AHR: variants seen among roughly 807,000 people sequenced by gnomAD.
AHR encodes aryl hydrocarbon receptor, also known as AH-receptor.
In AHR, 40 loss-of-function variants were observed where a neutral mutation model predicts 86.8. The observed-to-expected ratio is 0.46, with a 90% CI of 0.36 to 0.60. The LOEUF (loss-of-function observed/expected upper bound fraction) is 0.60, where lower values mean the gene tolerates loss of function less well. Among genes scored for constraint, AHR ranks in the 20% least tolerant of loss-of-function variants. AHR has a pLI of 0.00. For synonymous variants in AHR, 398 were observed against 354.9 expected (o/e 1.12, Z -1.37); for missense variants, 1,001 against 1,011.6 (o/e 0.99, Z 0.14).
Position 17,298,854 on chromosome 7 carries a change from G to A in AHR, c.-411G>A. On this transcript the variant is annotated 5_prime_UTR_variant, in exon 1 of 11. Transcript: ENST00000242057. ...CGGCACCTCCCTCACCCAAGGGGCCGCGGCGACGGTCACGGGGCGCGGCGC... is the reference window on the plus strand; with the variant it reads ...CGGCACCTCCCTCACCCAAGGGGCCACGGCGACGGTCACGGGGCGCGGCGC... The A allele has an allele frequency of 2.5e-6, 1 of 398,754 alleles. No homozygotes were observed. 24.7% of individuals were successfully genotyped at this position (398,754 alleles called of 1,614,324 possible).
intron 1 of AHR, among the ~76,000 whole-genome samples, chr7:17,302,166 A>G (rs912060846): frequency 6.6e-6 from 1 of 151,972 alleles, no homozygotes; most frequent in Non-Finnish European, 1.5e-5. Context: ...CTGTACATAG[A>G]AAGTTAGCAC....
intron 4 of AHR, among the ~76,000 whole-genome samples, chr7:17,329,706 T>C (rs1013395425): frequency 3.9e-5 from 6 of 151,910 alleles, no homozygotes; most frequent in Non-Finnish European, 5.9e-5. Flanking sequence ...TGTGACTTAT[T>C]TGAGCAAGAG....
intron 1 of AHR, among the ~76,000 whole-genome samples, chr7:17,300,488 AT>A (rs1781943898): frequency 6.6e-6 from 1 of 152,156 alleles, no homozygotes; most frequent in Non-Finnish European, 1.5e-5. Flanking sequence ...TCATTCTAAA[AT>A]TTTAGTTTCC....
intron 4 of AHR, among the ~76,000 whole-genome samples, chr7:17,328,826 GAT>G (rs1782255121): frequency 6.6e-6 from 1 of 151,972 alleles, no homozygotes; most frequent in Non-Finnish European, 1.5e-5. Context: ...GCATCAAGAT[GAT>G]TTAATACTAG....
Position 17,340,189 on chromosome 7 carries a change from C to T in AHR, c.2364C>T (p.Tyr788=). The change falls in exon 10 of 11, where the codon TAC becomes TAT. Residue 788 remains tyrosine, a synonymous_variant. Transcript: ENST00000242057. ...PQHTHVGQMQ[Y]NPVLPGQQAF... is the part of the protein sequence containing the mutation. ...ACACCCACGTGGGTCAGATGCAGTA[C>T]AATCCAGTACTGCCAGGCCAACAGG... 1 of 1,613,276 alleles carries T rather than the reference C, an allele frequency of 6.2e-7. No homozygotes were observed. Among genetic ancestry groups the T allele is most frequent in the South Asian group, 1.1e-5 (1 of 90,922 alleles).
chr7:17,338,282 A>G (rs1219418599), intron 9 of AHR, among the ~76,000 whole-genome samples: 1 of 148,984 alleles, frequency 6.7e-6, no homozygotes, highest in Non-Finnish European at 1.5e-5. Context: ...ATCTGTCTTT[A>G]TAGCTGCTGG....
rs1484320002 is a variant in AHR at position 17,345,402 on chromosome 7, TTC to T, written c.*2340_*2341del. 6.6e-6 allele frequency: 1 copy of T among 152,560 alleles called. No individual in the cohort carries two copies. 9.5% of individuals were successfully genotyped at this position (152,560 alleles called of 1,614,324 possible). Reference sequence around the variant, plus strand: ...TGGCTTCGGACAAAATATCTCTGAGTTCTGTGTATTTTCAGTCAAAACTTTAA... The same window carrying T: ...TGGCTTCGGACAAAATATCTCTGAGTTGTGTATTTTCAGTCAAAACTTTAA... On this transcript the variant is annotated 3_prime_UTR_variant, in exon 11 of 11. Coordinates refer to ENST00000242057, the MANE Select transcript of AHR (RefSeq NM_001621.5).
intron 2 of AHR, among the ~76,000 whole-genome samples, chr7:17,314,665 G>A (rs931192304): frequency 2.8e-4 from 43 of 152,026 alleles, no homozygotes; most frequent in African/African-American, 8.9e-4. Flanking sequence ...ACGTACATGT[G>A]TATATGCAAA....
intron 2 of AHR, 50 bp downstream of exon 2, chr7:17,310,173 G>A (rs753932156): frequency 7.3e-6 from 11 of 1,509,522 alleles, no homozygotes; most frequent in African/African-American, 5.5e-5. Context: ...AAAAATACTT[G>A]TACTAGATAT....
intron 4 of AHR, among the ~76,000 whole-genome samples, chr7:17,329,344 G>A (rs548790711): frequency 5.0e-4 from 76 of 151,952 alleles, no homozygotes; most frequent in African/African-American, 1.8e-3. Flanking sequence ...GTGACAGATG[G>A]AAATGTATTT....
chr7:17,345,214 C>A lies in AHR; in HGVS notation c.*2150C>A, dbSNP rs1347706718. The A allele has an allele frequency of 6.6e-6, 1 of 151,528 alleles. No individual in the cohort carries two copies. The highest frequency in any genetic ancestry group is 1.5e-5 in the Non-Finnish European group (1 of 67,964). The allele number at this position is 151,528 out of a possible 1,614,324, so 9.4% of individuals were successfully genotyped here. ...CCTGTAGTCCTAGCTACTCAGGAGGCTGAGGCAGGAGAATAGCCTGAACCT... is the reference window on the plus strand; with the variant it reads ...CCTGTAGTCCTAGCTACTCAGGAGGATGAGGCAGGAGAATAGCCTGAACCT... On this transcript the variant is annotated 3_prime_UTR_variant, in exon 11 of 11. Transcript: ENST00000242057.
intron 2 of AHR, among the ~76,000 whole-genome samples, chr7:17,317,166 T>C (rs1455667094): frequency 6.7e-6 from 1 of 148,338 alleles, no homozygotes; most frequent in African/African-American, 2.5e-5. Flanking sequence ...GGACCTGGTA[T>C]TAATATCAAT....
In AHR at chr7:17,312,622, A is replaced by G. The variant is rs957331301; in HGVS notation, c.253+2499A>G. 2.0e-5 allele frequency among the ~76,000 whole-genome samples: 3 copies of G among 152,214 alleles called. No individual in the cohort carries two copies. The South Asian group carries it at 6.2e-4, about 31-fold the overall frequency. On this transcript the variant is annotated intron_variant, in intron 2 of 10. Coordinates refer to ENST00000242057, the MANE Select transcript of AHR (RefSeq NM_001621.5). ...CTTATAAAGCATGTCATAGTTTAAC[A>G]CAGGGTTCATCACGGAATTGTTAAA... is the stretch of plus-strand genomic sequence containing the variant.
intron 1 of AHR, among the ~76,000 whole-genome samples, chr7:17,309,428 C>T (rs569578511): frequency 6.6e-6 from 1 of 152,230 alleles, no homozygotes; most frequent in Admixed American, 6.5e-5. Flanking sequence ...GACATTATCT[C>T]TAATGAGTTG....
At chr7:17,333,889 T>G (rs1471752352) in intron 6 of AHR, 23 bp from the exon 7 acceptor site, 12 of 1,596,678 alleles carry the variant, frequency 7.5e-6, no homozygotes, top group South Asian at 2.2e-5. Flanking sequence ...AATGAACTTT[T>G]TTGTTGTTGT....
chr7:17,326,932 A>G (rs1483838838), intron 3 of AHR, among the ~76,000 whole-genome samples: 2 of 152,170 alleles, frequency 1.3e-5, no homozygotes, highest in African/African-American at 2.4e-5. Context: ...AATATATGAT[A>G]ATAATAAAGT....
chr7:17,311,542 G>A (rs1782064297), intron 2 of AHR, among the ~76,000 whole-genome samples: 2 of 152,088 alleles, frequency 1.3e-5, no homozygotes, highest in South Asian at 4.1e-4. Flanking sequence ...TCTTTTTATT[G>A]ATTTGCTTGC....
At chr7:17,337,364 T>C (rs1782364153) in intron 9 of AHR, among the ~76,000 whole-genome samples, 1 of 152,174 alleles carries the variant, frequency 6.6e-6, no homozygotes, top group East Asian at 1.9e-4. Flanking sequence ...TCTAGTTTGT[T>C]AATTGTGTTC....
intron 2 of AHR, among the ~76,000 whole-genome samples, chr7:17,319,628 A>G (rs997286471): frequency 3.9e-5 from 6 of 152,114 alleles, no homozygotes; most frequent in African/African-American, 7.2e-5. Flanking sequence ...GGTCACTCCA[A>G]TGGTAGGAAG....
Sources: gnomAD v4.1 joint callset for allele counts (sites outside exome capture counted in the v4.1 genomes callset) on GRCh38, gnomAD v4.1.1 for gene constraint, MANE v1.5 for transcripts, NCBI Gene and HGNC (gene_info 2026-07-23, HGNC 2026-07-21) for gene names.